Variants in LMNA observed in about 807,000 individuals in gnomAD.
The protein encoded by LMNA is lamin A/C, also known as lamin.
LMNA carries 20 observed loss-of-function variants against 70.4 expected under a neutral mutation model. The ratio of observed to expected loss-of-function variants is 0.28; its 90% CI spans 0.20 to 0.41. LMNA has a LOEUF of 0.41. Among genes scored for constraint, LMNA ranks in the 10% least tolerant of loss-of-function variants. The pLI is 1.00. For missense variants in LMNA, 652 were observed against 917.2 expected (o/e 0.71, Z 3.73); for synonymous variants, 339 against 372.8 (o/e 0.91, Z 1.04).
chr1:156,113,712 T>G (rs1649626331), upstream of LMNA, among the ~76,000 whole-genome samples: 1 of 152,136 alleles, frequency 6.6e-6, no homozygotes, highest in Admixed American at 6.5e-5. Context: ...GCTTCCCCTT[T>G]CAGGCCCCTC....
chr1:156,105,460 C>T (rs373213057), intron 3 of LMNA, among the ~76,000 whole-genome samples: 232 of 152,262 alleles, frequency 1.5e-3, no homozygotes, highest in African/African-American at 5.3e-3. Context: ...TTGCTCCACC[C>T]CAGCGGCCAG....
chr1:156,108,057 G>A (rs941510942), intron 3 of LMNA, among the ~76,000 whole-genome samples: 2 of 152,044 alleles, frequency 1.3e-5, no homozygotes, highest in Non-Finnish European at 2.9e-5. Context: ...GTGAGCCACT[G>A]CTCCCAGCCG....
chr1:156,139,743 G>A lies in LMNA; in HGVS notation c.*637G>A. 1 of 1,533,062 alleles carries A rather than the reference G, an allele frequency of 6.5e-7. No homozygotes were observed. The highest frequency in any genetic ancestry group is 8.7e-7 in the Non-Finnish European group (1 of 1,146,120). 95.0% of individuals were successfully genotyped at this position (1,533,062 alleles called of 1,614,324 possible). On this transcript the variant is annotated 3_prime_UTR_variant, in exon 12 of 12. Transcript: ENST00000368300. ...GAGTCCATTCTCCCAGGTACCAGCT[G>A]CGCTTGCTTTTCTGTATTTTATTTA...
intron 2 of LMNA, among the ~76,000 whole-genome samples, chr1:156,089,601 A>AAG (rs1558106065): frequency 1.4e-5 from 2 of 145,566 alleles, no homozygotes; most frequent in Non-Finnish European, 1.5e-5. Context: ...CTAAAAAAAA[A>AAG]AAAGAAAGAA....
intron 1 of LMNA, among the ~76,000 whole-genome samples, chr1:156,120,668 G>T (rs977668615): frequency 2.6e-5 from 4 of 152,148 alleles, no homozygotes; most frequent in Non-Finnish European, 4.4e-5. Flanking sequence ...AGCTATGACT[G>T]CACTACTGCA....
At chr1:156,123,714 G>A (rs1417408064) in intron 1 of LMNA, among the ~76,000 whole-genome samples, 1 of 152,190 alleles carries the variant, frequency 6.6e-6, no homozygotes, top group Admixed American at 6.5e-5. Flanking sequence ...AAGAAGGAAA[G>A]TGGCACTTGG....
Position 156,139,505 on chromosome 1 carries a change from A to G in LMNA, c.*399A>G. On this transcript the variant is annotated 3_prime_UTR_variant, in exon 12 of 12. Coordinates refer to ENST00000368300, the MANE Select transcript of LMNA (RefSeq NM_170707.4). ...GCCCCCACCCCGGGGACCCTGTGAC[A>G]TGGTGCCTGAGAGGCAGGCATAGAG... The G allele has an allele frequency of 7.5e-7, 1 of 1,331,692 alleles. No individual in the cohort carries two copies. Among genetic ancestry groups the G allele is most frequent in the Non-Finnish European group, 9.6e-7 (1 of 1,043,092 alleles). 82.5% of individuals were successfully genotyped at this position (1,331,692 alleles called of 1,614,324 possible).
intron 1 of LMNA, among the ~76,000 whole-genome samples, chr1:156,116,679 C>T (rs1649847810): frequency 6.6e-6 from 1 of 152,190 alleles, no homozygotes; most frequent in Non-Finnish European, 1.5e-5. Flanking sequence ...ATTCTCCTGC[C>T]TCAGCCTCCC....
In LMNA at chr1:156,136,860, A is replaced by G. The variant is rs1651681758; in HGVS notation, c.1381-61A>G. The G allele has an allele frequency of 7.0e-7, 1 of 1,424,636 alleles. No homozygotes were observed. The allele number at this position is 1,424,636 out of a possible 1,614,324, so 88.2% of individuals were successfully genotyped here. A position where few individuals can be genotyped will look rare whatever the true frequency, so the allele number is the denominator to read the frequency against. Reference sequence around the variant, plus strand: ...AGGCAGAGGGCTGGGCCTTTGAGCAAGATACACCCAAGAGCCTGGGTGAGC... The same window carrying G: ...AGGCAGAGGGCTGGGCCTTTGAGCAGGATACACCCAAGAGCCTGGGTGAGC... On this transcript the variant is annotated intron_variant, in intron 7 of 11. Coordinates refer to ENST00000368300, the MANE Select transcript of LMNA (RefSeq NM_170707.4). This position sits in a 1 kb window ranked among gnomAD's most constrained non-coding sequence, Gnocchi z 6.1.
intron 3 of LMNA, among the ~76,000 whole-genome samples, chr1:156,107,255 C>T (rs906084221): frequency 2.0e-5 from 3 of 152,192 alleles, no homozygotes; most frequent in African/African-American, 7.2e-5. Flanking sequence ...CCTCCAGCCC[C>T]GCTGGCTCAG....
chr1:156,114,623 G>A, upstream of LMNA: 1 of 193,384 alleles, frequency 5.2e-6, no homozygotes, highest in Non-Finnish European at 9.9e-6. Flanking sequence ...CACCCCCAAT[G>A]GATCTGGGAC....
Position 156,137,951 on chromosome 1 carries a change from A to G in LMNA, c.1698+208A>G. On this transcript the variant is annotated intron_variant, in intron 10 of 11. Coordinates refer to ENST00000368300, the MANE Select transcript of LMNA (RefSeq NM_170707.4). The surrounding 1 kb of genome is among the most constrained non-coding windows in gnomAD (Gnocchi z 4.6). ...TCTGGGTGCCCTACTCTGGTAAGGA[A>G]GGGAGTGGGAACTTTCTGATGCCAT... 9.6e-7 allele frequency: 1 copy of G among 1,039,834 alleles called. No individual in the cohort carries two copies. The highest frequency in any genetic ancestry group is 1.6e-5 in the South Asian group (1 of 60,692). 64.4% of individuals were successfully genotyped at this position (1,039,834 alleles called of 1,614,324 possible).
At chr1:156,112,766 T>C (rs1301094279), upstream of LMNA, among the ~76,000 whole-genome samples, 1 of 152,140 alleles carries the variant, frequency 6.6e-6, no homozygotes, top group Non-Finnish European at 1.5e-5. Flanking sequence ...GTTCCTGCCT[T>C]AATCCCACTC....
intron 3 of LMNA, among the ~76,000 whole-genome samples, chr1:156,098,249 A>G (rs888180494): frequency 8.5e-5 from 13 of 152,180 alleles, no homozygotes; most frequent in Non-Finnish European, 1.5e-4. Flanking sequence ...CTTGTTTTGA[A>G]GGTGTGAAAG....
rs751247989 is a variant in LMNA at position 156,126,778 on chromosome 1, C to T, written c.357-3839C>T. On this transcript the variant is annotated intron_variant, in intron 1 of 11. Transcript: ENST00000368300. ...AGAGTTAGAAACAGGATGCCCAGCC[C>T]TTCTCGCCTCAAGAGGCCACTGGGA... The T allele has an allele frequency of 4.4e-6, 7 of 1,596,968 alleles. No individual in the cohort carries two copies. The African/African-American group carries it at 6.7e-5, about 15-fold the overall frequency.
intron 3 of LMNA, among the ~76,000 whole-genome samples, chr1:156,096,918 AG>A (rs1648957350): frequency 6.6e-6 from 1 of 152,302 alleles, no homozygotes; most frequent in Non-Finnish European, 1.5e-5. Flanking sequence ...TGAAGTTCCA[AG>A]CCCTGGGGCT....
At chr1:156,117,914 C>T (rs900030759) in intron 1 of LMNA, among the ~76,000 whole-genome samples, 1 of 151,880 alleles carries the variant, frequency 6.6e-6, no homozygotes, top group Non-Finnish European at 1.5e-5. Context: ...GCGATCCTAC[C>T]GTCTCACCTT....
At chr1:156,119,160 C>T (rs892571805) in intron 1 of LMNA, among the ~76,000 whole-genome samples, 3 of 151,516 alleles carry the variant, frequency 2.0e-5, no homozygotes, top group Non-Finnish European at 4.4e-5. Flanking sequence ...GTTCTGTTGC[C>T]AGGCTGGAGT....
chr1:156,138,195 T>C lies in LMNA; in HGVS notation c.1699-293T>C, dbSNP rs1651834028. 5.3e-6 allele frequency: 3 copies of C among 566,208 alleles called. No homozygotes were observed. In the Admixed American group the frequency reaches 9.2e-5, roughly 17 times the overall value. 35.1% of individuals were successfully genotyped at this position (566,208 alleles called of 1,614,324 possible). Reference sequence around the variant, plus strand: ...GTGCATGCCTGCTGCCCTACAAGCTTGCTCCCGTTCTCTCTTCTTTTCCTC... The same window carrying C: ...GTGCATGCCTGCTGCCCTACAAGCTCGCTCCCGTTCTCTCTTCTTTTCCTC... On this transcript the variant is annotated intron_variant, in intron 10 of 11. Transcript: ENST00000368300. The surrounding 1 kb of genome is among the most constrained non-coding windows in gnomAD (Gnocchi z 5.5).
Sources: gnomAD v4.1 joint callset for allele counts (sites outside exome capture counted in the v4.1 genomes callset) on GRCh38, gnomAD v4.1.1 for gene constraint, Gnocchi (gnomAD v3.1) non-coding constraint, MANE v1.5 for transcripts, NCBI Gene and HGNC (gene_info 2026-07-23, HGNC 2026-07-21) for gene names.